COPZ1: variants seen among roughly 807,000 people sequenced by gnomAD.
The protein encoded by COPZ1 is coatomer subunit zeta-1.
Under a neutral mutation model 31.7 loss-of-function variants are expected in COPZ1, and 4 were observed. The observed-to-expected ratio is 0.13, with a 90% CI of 0.06 to 0.29. COPZ1 has a LOEUF of 0.29. Among genes scored for constraint, COPZ1 ranks in the 10% least tolerant of loss-of-function variants. The pLI is 1.00. For missense variants in COPZ1, 156 were observed against 211.5 expected (o/e 0.74, Z 1.63); for synonymous variants, 74 against 79.0 (o/e 0.94, Z 0.33).
rs980972009 is a variant in COPZ1, at chr12:54,340,316, T to A, written c.19-231T>A. 4.8e-5 allele frequency: 28 copies of A among 583,402 alleles called. No individual in the cohort carries two copies. In the African/African-American group the frequency reaches 5.3e-4, roughly 11 times the overall value. The allele number at this position is 583,402 out of a possible 1,614,324, so 36.1% of individuals were successfully genotyped here. A position where few individuals can be genotyped will look rare whatever the true frequency, so the allele number is the denominator to read the frequency against. On this transcript the variant is annotated intron_variant, in intron 1 of 8. Transcript: ENST00000262061. ...CCCCCTGTGAGTCAGAGAAACTGTTTCTCTGATGGTACTTTGGAATCCTTT... is the reference window on the plus strand; with the variant it reads ...CCCCCTGTGAGTCAGAGAAACTGTTACTCTGATGGTACTTTGGAATCCTTT...
At chr12:54,340,424 G>A (rs899024769) in intron 1 of COPZ1, 123 bp from the exon 2 acceptor site, 14 of 1,471,380 alleles carry the variant, frequency 9.5e-6, no homozygotes, top group Non-Finnish European at 1.3e-5. Flanking sequence ...CCAAGTTGAG[G>A]TAAGGGACTT....
chr12:54,350,016 G>T, intron 8 of COPZ1: 1 of 594,172 alleles, frequency 1.7e-6, no homozygotes, highest in Non-Finnish European at 3.0e-6. Flanking sequence ...ATTCAATTGA[G>T]GGCTAAGCTG....
At chr12:54,347,551 T>C (rs1415731644) in intron 5 of COPZ1, among the ~76,000 whole-genome samples, 1 of 152,156 alleles carries the variant, frequency 6.6e-6, no homozygotes, top group Admixed American at 6.5e-5. Flanking sequence ...AAATTGACTG[T>C]GTTATTTGAA....
At chr12:54,326,961 CTTTTTTTTTTTTTTTTT>C (rs60827109) in intron 1 of COPZ1, among the ~76,000 whole-genome samples, 269 of 43,542 alleles carry the variant, frequency 6.2e-3, no homozygotes, top group African/African-American at 0.023. Context: ...AACAAGTATT[CTTTTTTTTTTTTTTTTT>C]TTTTTTTTTT....
At chr12:54,345,311 C>T (rs1954043547) in intron 4 of COPZ1, 149 bp from the exon 5 acceptor site, 1 of 575,502 alleles carries the variant, frequency 1.7e-6, no homozygotes, top group East Asian at 2.8e-5. Context: ...AGATCCTTTT[C>T]CTGTTGTGCT....
At chr12:54,325,576 ACTC>A (rs1953616508) in intron 1 of COPZ1, 2 of 172,738 alleles carry the variant, frequency 1.2e-5, no homozygotes, top group African/African-American at 2.4e-5. Context: ...GTCGTTACAG[ACTC>A]CTCCTGATGG....
chr12:54,330,064 C>A (rs992356032), intron 1 of COPZ1, among the ~76,000 whole-genome samples: 4 of 152,144 alleles, frequency 2.6e-5, no homozygotes, highest in African/African-American at 4.8e-5. Context: ...TGCGTCCTTG[C>A]TGGTGCCTGG....
At chr12:54,326,010 G>A (rs1359726310) in intron 1 of COPZ1, among the ~76,000 whole-genome samples, 2 of 151,086 alleles carry the variant, frequency 1.3e-5, no homozygotes, top group African/African-American at 2.4e-5. Context: ...TAGTAGAGAC[G>A]TGGTTTCACC....
intron 5 of COPZ1, among the ~76,000 whole-genome samples, chr12:54,347,533 A>G (rs1387231616): frequency 6.6e-6 from 1 of 152,252 alleles, no homozygotes. Flanking sequence ...CAACCCCTGA[A>G]TAGTCAGAAA....
At chr12:54,334,856 C>T (rs1295957166) in intron 1 of COPZ1, among the ~76,000 whole-genome samples, 2 of 151,466 alleles carry the variant, frequency 1.3e-5, no homozygotes, top group African/African-American at 4.9e-5. Flanking sequence ...GACTCCGTCT[C>T]AAAAAAATAA....
At chr12:54,343,790 T>C (rs1954013467) in intron 4 of COPZ1, among the ~76,000 whole-genome samples, 1 of 152,188 alleles carries the variant, frequency 6.6e-6, no homozygotes, top group Admixed American at 6.5e-5. Context: ...GATAGCAACT[T>C]CTAGGAGAAT....
intron 1 of COPZ1, among the ~76,000 whole-genome samples, chr12:54,328,268 T>G (rs1376988423): frequency 9.5e-6 from 1 of 105,546 alleles, no homozygotes; most frequent in Non-Finnish European, 1.8e-5. Context: ...AGTGTTAGAC[T>G]CCATCTCAAA....
At chr12:54,345,911 C>A (rs1384802808) in intron 5 of COPZ1, among the ~76,000 whole-genome samples, 3 of 150,318 alleles carry the variant, frequency 2.0e-5, no homozygotes, top group Admixed American at 2.0e-4. Flanking sequence ...GAGCCGAGAT[C>A]GCGCCACTGC....
intron 1 of COPZ1, among the ~76,000 whole-genome samples, chr12:54,330,188 A>G (rs1182360124): frequency 6.6e-6 from 1 of 152,118 alleles, no homozygotes; most frequent in Non-Finnish European, 1.5e-5. Context: ...CCCTGGCAGC[A>G]ATAAAAATTT....
rs114053154 is a variant in COPZ1, at chr12:54,348,396, A to G, written c.447+345A>G. The stretch of plus-strand genomic sequence containing the variant: ...TGAAGTTGGCTTATTCCCTTCTTGG[A>G]GATGGATCCAGTCATCTGAGGCAGA... On this transcript the variant is annotated intron_variant, in intron 7 of 8. Coordinates refer to ENST00000262061, the MANE Select transcript of COPZ1 (RefSeq NM_016057.3). Among the ~76,000 whole-genome samples the G allele has an allele frequency of 5.0e-3, 759 of 152,320 alleles. 6 individuals carry two copies. Among genetic ancestry groups the G allele is most frequent in the African/African-American group, 0.017 (719 of 41,566 alleles).
chr12:54,347,250 A>G (rs59818002), intron 5 of COPZ1, among the ~76,000 whole-genome samples: 272 of 152,352 alleles, frequency 1.8e-3, no homozygotes, highest in African/African-American at 6.2e-3. Flanking sequence ...AGGCTGGTGT[A>G]TGCAGACCCT....
At chr12:54,327,266 G>A (rs1411347010) in intron 1 of COPZ1, among the ~76,000 whole-genome samples, 2 of 148,430 alleles carry the variant, frequency 1.3e-5, no homozygotes, top group Non-Finnish European at 3.0e-5. Flanking sequence ...GATTACAGGT[G>A]TGAGTCACTG....
At chr12:54,343,133 A>C (rs1954003790) in intron 3 of COPZ1, 92 bp from the exon 4 acceptor site, 1 of 971,336 alleles carries the variant, frequency 1.0e-6, no homozygotes, top group Admixed American at 1.7e-5. Flanking sequence ...CTGGGATTAC[A>C]GGCATGAGCC....
At chr12:54,337,165 C>A (rs757318066) in intron 1 of COPZ1, 55 of 531,734 alleles carry the variant, frequency 1.0e-4, no homozygotes, top group Admixed American at 8.5e-4. Flanking sequence ...ACATGAAAAT[C>A]TGTCTAAGTC....
Sources: gnomAD v4.1 joint callset for allele counts (sites outside exome capture counted in the v4.1 genomes callset) on GRCh38, gnomAD v4.1.1 for gene constraint, MANE v1.5 for transcripts, NCBI Gene and HGNC (gene_info 2026-07-23, HGNC 2026-07-21) for gene names.